The following MPPED1 variants were observed in gnomAD, a reference collection of about 807,000 sequenced individuals.
MPPED1 encodes metallophosphoesterase domain-containing protein 1.
MPPED1 carries 16 observed loss-of-function variants against 36.2 expected under a neutral mutation model. That is an observed-to-expected ratio of 0.44 (90% confidence interval 0.30 to 0.67). MPPED1 has a LOEUF of 0.67. MPPED1 is among the 30% of genes least tolerant of loss of function. The probability of loss-of-function intolerance (pLI) is 0.10; values close to 1 mark genes in which losing one functional copy is unlikely to be tolerated. For missense variants in MPPED1, 307 were observed against 453.4 expected, an observed-to-expected ratio of 0.68 and a Z score of 2.93; for synonymous variants, 199 against 191.3, an observed-to-expected ratio of 1.04 and a Z score of -0.33.
At chr22:43,453,885 T>C (rs2146857327) in intron 3 of MPPED1, among the ~76,000 whole-genome samples, 1 of 152,332 alleles carries the variant, frequency 6.6e-6, no homozygotes, top group South Asian at 2.1e-4. Context: ...ATCACTGCCT[T>C]TCCTCTCTGG....
chr22:43,489,549 C>T (rs1466181452), intron 4 of MPPED1, among the ~76,000 whole-genome samples: 2 of 151,320 alleles, frequency 1.3e-5, no homozygotes, highest in African/African-American at 4.9e-5. Context: ...GATGGAGTCT[C>T]GCTCTGTCGC....
rs186104184 is a variant in MPPED1 at position 43,434,963 on chromosome 22, G to T, written c.225-71G>T. 144 of 1,493,804 alleles carry T rather than the reference G, an allele frequency of 9.6e-5. 1 individual carries two copies. In the African/African-American group the frequency reaches 1.9e-3, roughly 20 times the overall value. 92.5% of individuals were successfully genotyped at this position (1,493,804 alleles called of 1,614,324 possible). ...GGGGCTGTGAGCTGTGGTGGATGGGGCTGCAGACACACCACCCGCAGGCTC... is the reference window on the plus strand; with the variant it reads ...GGGGCTGTGAGCTGTGGTGGATGGGTCTGCAGACACACCACCCGCAGGCTC... On this transcript the variant is annotated intron_variant, in intron 2 of 6. Transcript: ENST00000443721.
rs115827129 is a variant in MPPED1 at position 43,448,517 on chromosome 22, C to T, written c.406+13302C>T. Among the ~76,000 whole-genome samples the T allele has an allele frequency of 6.0e-3, 913 of 152,254 alleles. 10 individuals are homozygous for T. The highest frequency in any genetic ancestry group is 0.021 in the African/African-American group (865 of 41,538). Reference sequence around the variant, plus strand: ...AGCGGGGAGAAATCTTGTCTAAGGTCATACGGCAAAGAAAAGTGGAGTCAG... The same window carrying T: ...AGCGGGGAGAAATCTTGTCTAAGGTTATACGGCAAAGAAAAGTGGAGTCAG... On this transcript the variant is annotated intron_variant, in intron 3 of 6. Transcript: ENST00000443721.
intron 3 of MPPED1, among the ~76,000 whole-genome samples, chr22:43,441,405 G>A (rs997962183): frequency 2.6e-5 from 4 of 152,156 alleles, no homozygotes; most frequent in Admixed American, 2.0e-4. Flanking sequence ...CAGCCTACTG[G>A]CCTCCCTTCC....
chr22:43,497,391 T>C (rs537183900), intron 4 of MPPED1, among the ~76,000 whole-genome samples: 2 of 152,088 alleles, frequency 1.3e-5, no homozygotes, highest in Non-Finnish European at 2.9e-5. Flanking sequence ...AGGGTGGGTG[T>C]CTGGTCCAGT....
chr22:43,435,086 G>T lies in MPPED1; in HGVS notation c.277G>T (p.Val93Phe). 1.2e-6 allele frequency: 2 copies of T among 1,613,866 alleles called. No homozygotes were observed. The highest frequency in any genetic ancestry group is 1.7e-6 in the Non-Finnish European group (2 of 1,179,886). Reference protein sequence around the residue: ...APKPPGYTRFVCVSDTHSRTD... With the variant: ...APKPPGYTRFFCVSDTHSRTD... Reference sequence around the variant, plus strand: ...CAAACCTCCAGGCTACACCCGCTTCGTCTGCGTCTCTGATACCCACTCGAG... The same window carrying T: ...CAAACCTCCAGGCTACACCCGCTTCTTCTGCGTCTCTGATACCCACTCGAG... The change falls in exon 3 of 7, where the codon GTC (valine) becomes TTC (phenylalanine). Residue 93 changes from valine (V) to phenylalanine (F), a missense_variant. Physicochemically the swap from Val to Phe is conservative, Grantham distance 50. Around this residue, in one of 3 missense-constraint regions of MPPED1, gnomAD observed 169 missense variants for 212.3 expected, o/e 0.80. Transcript: ENST00000443721.
rs918538713 is a variant in MPPED1 at position 43,498,289 on chromosome 22, G to A, written c.687G>A (p.Leu229=). 2.6e-6 allele frequency: 4 copies of A among 1,535,240 alleles called. No homozygotes were observed. Among genetic ancestry groups the A allele is most frequent in the Non-Finnish European group, 2.6e-6 (3 of 1,146,550 alleles). The change falls in exon 5 of 7, where the codon CTG becomes CTA. Residue 229 remains leucine, a synonymous_variant. Coordinates refer to ENST00000443721, the MANE Select transcript of MPPED1 (RefSeq NM_001044370.2). The part of the protein sequence containing the change: ...GFNLPRGQAL[L]EKWNLIPEGV... ...ACCTCCCGCGAGGCCAAGCCCTGCT[G>A]GAGAAATGGAACCTCATTCCCGAAG...
At chr22:43,481,560 T>G (rs1021841833) in intron 4 of MPPED1, among the ~76,000 whole-genome samples, 1 of 152,156 alleles carries the variant, frequency 6.6e-6, no homozygotes, top group Non-Finnish European at 1.5e-5. Flanking sequence ...ACCAAATGGA[T>G]GGATGGCAAG....
At chr22:43,434,747 C>T (rs574847304) in intron 2 of MPPED1, among the ~76,000 whole-genome samples, 1 of 152,376 alleles carries the variant, frequency 6.6e-6, no homozygotes, top group African/African-American at 2.4e-5. Flanking sequence ...GCACCCACTT[C>T]TCACTCCCTT....
chr22:43,498,165 G>A, intron 4 of MPPED1, 70 bp from the exon 5 acceptor site: 2 of 1,267,364 alleles, frequency 1.6e-6, no homozygotes, highest in Non-Finnish European at 2.2e-6. Context: ...CCCGTGGGGA[G>A]CTCCGCATTC....
chr22:43,415,225 C>CAA (rs34357060), intron 1 of MPPED1, among the ~76,000 whole-genome samples: 1,539 of 49,082 alleles, frequency 0.031, 27 homozygotes, highest in East Asian at 0.065. Context: ...ATGTCAAAAG[C>CAA]AAAAAAAAAA....
chr22:43,424,110 G>C (rs1026959383), intron 1 of MPPED1, among the ~76,000 whole-genome samples: 3 of 152,146 alleles, frequency 2.0e-5, no homozygotes, highest in Admixed American at 6.5e-5. Flanking sequence ...GCACTTCCCC[G>C]TGAAAAAGAT....
At chr22:43,465,285 G>A (rs1206624892) in intron 3 of MPPED1, among the ~76,000 whole-genome samples, 1 of 152,212 alleles carries the variant, frequency 6.6e-6, no homozygotes, top group Non-Finnish European at 1.5e-5. Context: ...CATGACAGTT[G>A]GGAGGCTGCC....
chr22:43,422,764 C>T (rs1433823763), intron 1 of MPPED1, among the ~76,000 whole-genome samples: 3 of 152,186 alleles, frequency 2.0e-5, no homozygotes, highest in African/African-American at 7.2e-5. Flanking sequence ...GCCTGGGACC[C>T]ACCAGGCATT....
intron 4 of MPPED1, among the ~76,000 whole-genome samples, chr22:43,494,868 A>ACC (rs1415613779): frequency 6.6e-6 from 1 of 152,098 alleles, no homozygotes; most frequent in Non-Finnish European, 1.5e-5. Flanking sequence ...TCTGGTGAGG[A>ACC]CCCACTTCCT....
intron 4 of MPPED1, among the ~76,000 whole-genome samples, chr22:43,479,326 G>T (rs1931676734): frequency 1.3e-5 from 2 of 152,242 alleles, no homozygotes; most frequent in South Asian, 4.1e-4. Context: ...CAGGCAGGGA[G>T]CAGGGATGAA....
At chr22:43,443,851 T>C (rs138669890) in intron 3 of MPPED1, among the ~76,000 whole-genome samples, 47 of 152,324 alleles carry the variant, frequency 3.1e-4, no homozygotes, top group Middle Eastern at 3.4e-3. Flanking sequence ...TTTTAAACTC[T>C]GGAGCCTCTT....
At chr22:43,426,393 G>A (rs946847534) in intron 2 of MPPED1, among the ~76,000 whole-genome samples, 17 of 152,256 alleles carry the variant, frequency 1.1e-4, no homozygotes, top group African/African-American at 4.1e-4. Flanking sequence ...CACAGGGAGG[G>A]GGGAGCTATG....
At chr22:43,445,902 A>G (rs1250894201) in intron 3 of MPPED1, among the ~76,000 whole-genome samples, 4 of 62,544 alleles carry the variant, frequency 6.4e-5, no homozygotes, top group African/African-American at 2.7e-4. Context: ...TTTTTTTTTG[A>G]GACAGGGTCC....
Sources: allele counts gnomAD v4.1 joint callset (sites outside exome capture counted in the v4.1 genomes callset), GRCh38; gene constraint gnomAD v4.1.1; regional missense constraint gnomAD v4.1.1; transcripts MANE v1.5; gene names NCBI Gene and HGNC (gene_info 2026-07-23, HGNC 2026-07-21).